The following CALR3 variants were observed in gnomAD, a reference collection of about 807,000 sequenced individuals.
CALR3 encodes calreticulin 3.
CALR3 carries 39 observed loss-of-function variants against 48.7 expected under a neutral mutation model. The observed-to-expected ratio is 0.80, with a 90% CI of 0.62 to 1.05. The LOEUF (loss-of-function observed/expected upper bound fraction) is 1.05, where lower values mean the gene tolerates loss of function less well. Ranked by LOEUF, CALR3 falls within the 50% of genes least tolerant of loss-of-function variation. CALR3 has a pLI of 0.00. For synonymous variants in CALR3, 185 were observed against 172.7 expected, an observed-to-expected ratio of 1.07 and a Z score of -0.56; for missense variants, 449 against 474.7, an observed-to-expected ratio of 0.95 and a Z score of 0.50.
chr19:16,479,169 G>A lies in CALR3; in HGVS notation c.1117C>T (p.His373Tyr). The change falls in exon 9 of 9, where the codon CAT (histidine) becomes TAT (tyrosine). Residue 373 changes from histidine (H) to tyrosine (Y), a missense_variant. Coordinates refer to ENST00000269881, the MANE Select transcript of CALR3 (RefSeq NM_145046.5). ...CTTCTGTGAAATTGATTGAAGTAATGTTCGTGCCTGTTAATTTTTCCCGAC... is the reference window on the plus strand; with the variant it reads ...CTTCTGTGAAATTGATTGAAGTAATATTCGTGCCTGTTAATTTTTCCCGAC... ...LLSGKINRHEHYFNQFHRRNE... is the reference protein window; with the variant it reads ...LLSGKINRHEYYFNQFHRRNE... 6.2e-7 allele frequency: 1 copy of A among 1,614,122 alleles called. No homozygotes were observed. Among genetic ancestry groups the A allele is most frequent in the Non-Finnish European group, 8.5e-7 (1 of 1,180,026 alleles).
In CALR3 at chr19:16,496,133, G is replaced by C; in HGVS notation, c.-4C>G. 1 of 1,595,404 alleles carries C rather than the reference G, an allele frequency of 6.3e-7. No homozygotes were observed. The highest frequency in any genetic ancestry group is 8.5e-7 in the Non-Finnish European group (1 of 1,171,072). On this transcript the variant is annotated 5_prime_UTR_variant, in exon 1 of 9. Coordinates refer to ENST00000269881, the MANE Select transcript of CALR3 (RefSeq NM_145046.5). ...GCTGGACCAAAGCCCGGGCCATGGG[G>C]GTGTGCACTGCGCTTCCGGTCGCCG...
chr19:16,479,266 T>G lies in CALR3; in HGVS notation c.1020A>C (p.Glu340Asp). The G allele has an allele frequency of 6.2e-7, 1 of 1,614,014 alleles. No individual in the cohort carries two copies. The highest frequency in any genetic ancestry group is 8.5e-7 in the Non-Finnish European group (1 of 1,179,994). The change falls in exon 9 of 9, where the codon GAA becomes GAC. Residue 340 changes from glutamate (E) to aspartate (D), a missense_variant. Glu to Asp is a conservative substitution (Grantham distance 45). Transcript: ENST00000269881. ...KATWGETKGPEREMDAIQAKE... is the reference protein window; with the variant it reads ...KATWGETKGPDREMDAIQAKE... ...TGGCCTGTATGGCATCCATCTCCCT[T>G]TCTGGACCCTGGAGAAAGAAAGAAA... is the stretch of plus-strand genomic sequence containing the variant.
rs571906275 is a variant in CALR3, at chr19:16,480,713, A to G, written c.919-7T>C. 1.3e-6 allele frequency: 2 copies of G among 1,584,548 alleles called. No individual in the cohort carries two copies. The highest frequency in any genetic ancestry group is 1.7e-5 in the Admixed American group (1 of 59,892). On this transcript the variant is annotated splice_region_variant and splice_polypyrimidine_tract_variant and intron_variant, in intron 7 of 8. Transcript: ENST00000269881. ...AAATGGTTCCAGATCTCACCTGCAG[A>G]TGAAAATAAGGCCTTCATTATTATG... is the stretch of plus-strand genomic sequence containing the variant.
At chr19:16,493,866 T>C (rs2059155) in intron 2 of CALR3, among the ~76,000 whole-genome samples, 133,008 of 151,878 alleles carry the variant, frequency 0.88, 58,569 homozygotes, top group South Asian at 0.95. Context: ...TAGGTGAGAT[T>C]ATAGATGTGT....
chr19:16,496,032 C>G lies in CALR3; in HGVS notation c.91+7G>C. 1.9e-6 allele frequency: 3 copies of G among 1,588,148 alleles called. No individual in the cohort carries two copies. The highest frequency in any genetic ancestry group is 1.7e-6 in the Non-Finnish European group (2 of 1,166,602). ...CACCTCCGCCACCACGGGCGTGGCC[C>G]CTTCACCTCCGTCTAGAAATTCCTC... On this transcript the variant is annotated splice_region_variant and intron_variant, in intron 1 of 8. Coordinates refer to ENST00000269881, the MANE Select transcript of CALR3 (RefSeq NM_145046.5).
chr19:16,490,431 CT>C lies in CALR3; in HGVS notation c.332del (p.Lys111ArgfsTer12), dbSNP rs1157460862. ...TCTGGTCAATGTCTGCAGGAAAGAC[CT>C]TAATGTAGCCCCCTCCACAGTCCAT... ...QKMDCGGGYI[K>X]VFPADIDQKN... On this transcript the variant is annotated frameshift_variant, in exon 3 of 9. Transcript: ENST00000269881. LOFTEE classifies it high-confidence loss of function. 6.2e-7 allele frequency: 1 copy of C among 1,614,108 alleles called. No individual in the cohort carries two copies. The highest frequency in any genetic ancestry group is 8.5e-7 in the Non-Finnish European group (1 of 1,180,028).
chr19:16,490,667 A>C, intron 2 of CALR3, 97 bp from the exon 3 acceptor site: 3 of 1,070,336 alleles, frequency 2.8e-6, no homozygotes, highest in Non-Finnish European at 4.3e-6. Flanking sequence ...CCAAACATAA[A>C]TGTCCTAACC....
chr19:16,490,580 A>G lies in CALR3; in HGVS notation c.194-10T>C. On this transcript the variant is annotated splice_polypyrimidine_tract_variant and intron_variant, in intron 2 of 8. Coordinates refer to ENST00000269881, the MANE Select transcript of CALR3 (RefSeq NM_145046.5). ...TGAGTGGTTTGCAGACCTTTGAACA[A>G]AATATACTCATGAAGGATCAGGAAT... 1 of 1,612,180 alleles carries G rather than the reference A, an allele frequency of 6.2e-7. No individual in the cohort carries two copies. The highest frequency in any genetic ancestry group is 8.5e-7 in the Non-Finnish European group (1 of 1,178,242).
At chr19:16,487,790 G>A (rs2093391486) in intron 3 of CALR3, among the ~76,000 whole-genome samples, 2 of 148,568 alleles carry the variant, frequency 1.3e-5, no homozygotes, top group African/African-American at 2.5e-5. Context: ...ACAGGCATGC[G>A]CCACCACGCC....
At chr19:16,487,440 G>A (rs6512112) in intron 3 of CALR3, among the ~76,000 whole-genome samples, 93,109 of 144,664 alleles carry the variant, frequency 0.64, 30,336 homozygotes, top group South Asian at 0.75. Flanking sequence ...GGATCGTGCC[G>A]TTGCACTCCA....
chr19:16,480,721 A>G lies in CALR3; in HGVS notation c.919-15T>C. The stretch of plus-strand genomic sequence containing the variant: ...CCAGATCTCACCTGCAGATGAAAAT[A>G]AGGCCTTCATTATTATGCTTTTATT... On this transcript the variant is annotated splice_polypyrimidine_tract_variant and intron_variant, in intron 7 of 8. Coordinates refer to ENST00000269881, the MANE Select transcript of CALR3 (RefSeq NM_145046.5). The G allele has an allele frequency of 2.0e-6, 3 of 1,522,008 alleles. No individual in the cohort carries two copies. The highest frequency in any genetic ancestry group is 2.7e-6 in the Non-Finnish European group (3 of 1,096,796). The allele number at this position is 1,522,008 out of a possible 1,614,324, so 94.3% of individuals were successfully genotyped here.
intron 2 of CALR3, among the ~76,000 whole-genome samples, chr19:16,491,276 C>A (rs1367048978): frequency 2.0e-5 from 3 of 151,750 alleles, no homozygotes; most frequent in East Asian, 3.9e-4. Flanking sequence ...GCGCTGGCCA[C>A]AACACCCAGC....
At chr19:16,491,826 A>C (rs1351793551) in intron 2 of CALR3, among the ~76,000 whole-genome samples, 1 of 151,372 alleles carries the variant, frequency 6.6e-6, no homozygotes, top group Non-Finnish European at 1.5e-5. Context: ...CTTAATGGAC[A>C]CTAAACTTTC....
intron 7 of CALR3, among the ~76,000 whole-genome samples, chr19:16,482,173 G>T (rs888938584): frequency 6.6e-6 from 1 of 151,886 alleles, no homozygotes; most frequent in Non-Finnish European, 1.5e-5. Context: ...CTCCCAAAGT[G>T]CTGGGATTAC....
At chr19:16,495,550 C>A (rs1240089333) in intron 2 of CALR3, among the ~76,000 whole-genome samples, 3 of 90,216 alleles carry the variant, frequency 3.3e-5, no homozygotes, top group Non-Finnish European at 4.1e-5. Flanking sequence ...CAGAGCAAGG[C>A]TCCGTCTCAA....
chr19:16,485,085 T>G, intron 4 of CALR3, 78 bp downstream of exon 4: 2 of 1,026,202 alleles, frequency 1.9e-6, no homozygotes, highest in Non-Finnish European at 3.0e-6. Flanking sequence ...AGTTAAGTAT[T>G]TTATTATCAA....
At chr19:16,492,487 T>C (rs2093399588) in intron 2 of CALR3, among the ~76,000 whole-genome samples, 1 of 151,880 alleles carries the variant, frequency 6.6e-6, no homozygotes, top group Non-Finnish European at 1.5e-5. Flanking sequence ...TTCCAACACT[T>C]TGGGAGGCCG....
intron 2 of CALR3, among the ~76,000 whole-genome samples, chr19:16,495,304 C>CG (rs1486060610): frequency 6.6e-6 from 1 of 150,876 alleles, no homozygotes; most frequent in African/African-American, 2.4e-5. Context: ...GTGGCTCATG[C>CG]CTGTAATCCC....
intron 2 of CALR3, among the ~76,000 whole-genome samples, chr19:16,493,880 A>G (rs2093401735): frequency 6.6e-6 from 1 of 151,832 alleles, no homozygotes; most frequent in Non-Finnish European, 1.5e-5. Context: ...GATGTGTGCC[A>G]CCATGCCCAG....
Sources: gnomAD v4.1 joint callset for allele counts (sites outside exome capture counted in the v4.1 genomes callset) on GRCh38, gnomAD v4.1.1 for gene constraint, MANE v1.5 for transcripts, NCBI Gene and HGNC (gene_info 2026-07-23, HGNC 2026-07-21) for gene names.